APPL1: variants seen among roughly 807,000 people sequenced by gnomAD.
APPL1 encodes the protein DCC-interacting protein 13-alpha.
APPL1 carries 42 observed loss-of-function variants against 106.8 expected under a neutral mutation model. That is an observed-to-expected ratio of 0.39 (90% confidence interval 0.31 to 0.51). The LOEUF (loss-of-function observed/expected upper bound fraction) is 0.51, where lower values mean the gene tolerates loss of function less well. APPL1 is among the 20% of genes least tolerant of loss of function. The probability of loss-of-function intolerance (pLI) is 0.75; values close to 1 mark genes in which losing one functional copy is unlikely to be tolerated. For synonymous variants in APPL1, 263 were observed against 281.8 expected, an observed-to-expected ratio of 0.93 and a Z score of 0.67; for missense variants, 769 against 858.2, an observed-to-expected ratio of 0.90 and a Z score of 1.30.
intron 1 of APPL1, among the ~76,000 whole-genome samples, chr3:57,229,762 G>C (rs1393227056): frequency 7.1e-6 from 1 of 140,204 alleles, no homozygotes; most frequent in Non-Finnish European, 1.5e-5. Flanking sequence ...TGCCCAGGCT[G>C]GAGTGCAATG....
At chr3:57,231,109 G>A (rs1258883668) in intron 1 of APPL1, among the ~76,000 whole-genome samples, 14 of 151,876 alleles carry the variant, frequency 9.2e-5, no homozygotes, top group African/African-American at 3.1e-4. Context: ...GGAGGACGAG[G>A]CAGGTGAATC....
intron 15 of APPL1, among the ~76,000 whole-genome samples, chr3:57,258,529 G>A (rs917216414): frequency 1.3e-5 from 2 of 152,194 alleles, no homozygotes; most frequent in African/African-American, 4.8e-5. Flanking sequence ...GCACACTAAG[G>A]AGGAAGGTAG....
rs1049481055 is a variant in APPL1 at position 57,245,848 on chromosome 3, A to G, written c.475-228A>G. Among the ~76,000 whole-genome samples, 5 of 152,240 alleles carry G rather than the reference A, an allele frequency of 3.3e-5. 1 individual carries two copies. The highest frequency in any genetic ancestry group is 2.9e-5 in the Non-Finnish European group (2 of 68,006). ...GCATGAGCCACCACGCCTGGGCTCAATGTGCATTTTGTAAATTATGTGGTT... is the reference window on the plus strand; with the variant it reads ...GCATGAGCCACCACGCCTGGGCTCAGTGTGCATTTTGTAAATTATGTGGTT... On this transcript the variant is annotated intron_variant, in intron 7 of 21. Transcript: ENST00000288266.
At chr3:57,267,906 A>G in intron 20 of APPL1, 114 bp downstream of exon 20, 1 of 1,016,956 alleles carries the variant, frequency 9.8e-7, no homozygotes, top group African/African-American at 1.6e-5. Context: ...AACCTGGCCA[A>G]CATGGTGAAA....
chr3:57,254,631 A>G (rs1386300618), intron 13 of APPL1, among the ~76,000 whole-genome samples: 2 of 151,966 alleles, frequency 1.3e-5, no homozygotes, highest in Non-Finnish European at 2.9e-5. Context: ...GTAATTAAAG[A>G]TTCTTTTTTT....
intron 1 of APPL1, among the ~76,000 whole-genome samples, chr3:57,232,187 T>C (rs2060690207): frequency 6.6e-6 from 1 of 152,248 alleles, no homozygotes; most frequent in Non-Finnish European, 1.5e-5. Flanking sequence ...TATGTAGATA[T>C]GTATCTTAGT....
rs2060948299 is a variant in APPL1, at chr3:57,272,389, C to T, written c.*2702C>T. 1.3e-5 allele frequency: 2 copies of T among 152,126 alleles called. No homozygotes were observed. Among genetic ancestry groups the T allele is most frequent in the Admixed American group, 1.3e-4 (2 of 15,280 alleles). The allele number at this position is 152,126 out of a possible 1,614,324, so 9.4% of individuals were successfully genotyped here. ...ATTTCAAAAGAATCCTCAGGCTCTA[C>T]AATCTAGGGGTGGTAAATGTGTTTC... is the stretch of plus-strand genomic sequence containing the variant. On this transcript the variant is annotated 3_prime_UTR_variant, in exon 22 of 22. Coordinates refer to ENST00000288266, the MANE Select transcript of APPL1 (RefSeq NM_012096.3).
At chr3:57,255,157 A>G (rs930660872) in intron 13 of APPL1, among the ~76,000 whole-genome samples, 6 of 152,194 alleles carry the variant, frequency 3.9e-5, no homozygotes, top group African/African-American at 1.4e-4. Context: ...GGTACAGAGA[A>G]TTCTGGAAGG....
intron 14 of APPL1, 60 bp downstream of exon 14, chr3:57,257,111 C>T: frequency 6.3e-7 from 1 of 1,578,706 alleles, no homozygotes; most frequent in Non-Finnish European, 8.7e-7. Context: ...TATCTGTGAT[C>T]TGGGATTATG....
Position 57,227,915 on chromosome 3 carries a change from A to T in APPL1, c.32A>T (p.Glu11Val). MPGIDKLPIEETLEDSPQTRS... is the reference protein window; with the variant it reads MPGIDKLPIEVTLEDSPQTRS... ...GGGATCGACAAGCTGCCCATCGAGGAGACGCTGGAGGACAGCCCGCAGGTG... is the reference window on the plus strand; with the variant it reads ...GGGATCGACAAGCTGCCCATCGAGGTGACGCTGGAGGACAGCCCGCAGGTG... Residue 11 changes from glutamate (E) to valine (V), a missense_variant, in exon 1 of 22, where the codon GAG becomes GTG. By Grantham distance (121) the Glu-to-Val change is moderately radical. Coordinates refer to ENST00000288266, the MANE Select transcript of APPL1 (RefSeq NM_012096.3). The T allele has an allele frequency of 6.8e-7, 1 of 1,469,028 alleles. No homozygotes were observed. Among genetic ancestry groups the T allele is most frequent in the Non-Finnish European group, 9.0e-7 (1 of 1,106,942 alleles). 91.0% of individuals were successfully genotyped at this position (1,469,028 alleles called of 1,614,324 possible). A position where few individuals can be genotyped will look rare whatever the true frequency, so the allele number is the denominator to read the frequency against.
rs17791685 is a variant in APPL1 at position 57,272,583 on chromosome 3, C to A, written c.*2896C>A. Reference sequence around the variant, plus strand: ...AAGAGCTAGTATGTTGTAAAACCTGCCACCTGAATAAAATGAAAAAAAAAG... The same window carrying A: ...AAGAGCTAGTATGTTGTAAAACCTGACACCTGAATAAAATGAAAAAAAAAG... On this transcript the variant is annotated 3_prime_UTR_variant, in exon 22 of 22. Coordinates refer to ENST00000288266, the MANE Select transcript of APPL1 (RefSeq NM_012096.3). 27,752 of 151,862 alleles carry A rather than the reference C, an allele frequency of 0.18. 2,840 individuals carry two copies. The highest frequency in any genetic ancestry group is 0.25 in the African/African-American group (10,286 of 41,322). The allele number at this position is 151,862 out of a possible 1,614,324, so 9.4% of individuals were successfully genotyped here.
intron 19 of APPL1, among the ~76,000 whole-genome samples, chr3:57,264,961 AT>A (rs1449963725): frequency 1.3e-4 from 19 of 151,948 alleles, no homozygotes; most frequent in Non-Finnish European, 2.6e-4. Context: ...ACATTTTCAG[AT>A]TGTTTTTTCT....
chr3:57,262,360 G>GTTTTTT (rs570404539), intron 19 of APPL1, among the ~76,000 whole-genome samples: 1 of 32,892 alleles, frequency 3.0e-5, no homozygotes, highest in African/African-American at 1.2e-4. Flanking sequence ...TTCTTCTAGT[G>GTTTTTT]TTTTTTTTTT....
chr3:57,264,973 A>G lies in APPL1; in HGVS notation c.1843-2769A>G, dbSNP rs1202793231. On this transcript the variant is annotated intron_variant, in intron 19 of 21. Transcript: ENST00000288266. ...TATACATTTTCAGATTGTTTTTTCT[A>G]TTTCTGTGAAGAATGCCATTGGTTT... is the stretch of plus-strand genomic sequence containing the variant. 2.0e-5 allele frequency among the ~76,000 whole-genome samples: 3 copies of G among 151,860 alleles called. No individual in the cohort carries two copies. In the South Asian group the frequency reaches 6.2e-4, roughly 32 times the overall value.
At chr3:57,233,067 T>G (rs2060696378) in intron 1 of APPL1, among the ~76,000 whole-genome samples, 1 of 152,048 alleles carries the variant, frequency 6.6e-6, no homozygotes, top group African/African-American at 2.4e-5. Context: ...CTCTGTGAAG[T>G]TTTAGAAATA....
chr3:57,259,605 C>G (rs1425105085), intron 16 of APPL1, among the ~76,000 whole-genome samples: 2 of 151,960 alleles, frequency 1.3e-5, no homozygotes, highest in African/African-American at 4.8e-5. Context: ...CTCAGAACTG[C>G]CAGTTGTTGA....
At chr3:57,239,461 T>G (rs2060734173) in intron 4 of APPL1, among the ~76,000 whole-genome samples, 1 of 152,248 alleles carries the variant, frequency 6.6e-6, no homozygotes, top group Non-Finnish European at 1.5e-5. Flanking sequence ...GCCTCAGTAC[T>G]TCATTCCTTT....
At position 57,247,496 on chromosome 3, in the gene APPL1, A is replaced by G; in HGVS notation, c.704+19A>G. ...TTCAGAAGTAAGTATTTTTTTCCTT[A>G]AAATTGAAAATGAAATGATGTGAAT... On this transcript the variant is annotated intron_variant, in intron 9 of 21. Transcript: ENST00000288266. 1 of 1,452,600 alleles carries G rather than the reference A, an allele frequency of 6.9e-7. No individual in the cohort carries two copies. Among genetic ancestry groups the G allele is most frequent in the Non-Finnish European group, 9.6e-7 (1 of 1,039,062 alleles). 90.0% of individuals were successfully genotyped at this position (1,452,600 alleles called of 1,614,324 possible).
chr3:57,245,969 C>G, intron 7 of APPL1, 107 bp from the exon 8 acceptor site: 1 of 719,062 alleles, frequency 1.4e-6, no homozygotes, highest in East Asian at 3.2e-5. Context: ...TTGTGATACT[C>G]AATTCCTTGG....
Sources: allele counts gnomAD v4.1 joint callset (sites outside exome capture counted in the v4.1 genomes callset), GRCh38; gene constraint gnomAD v4.1.1; transcripts MANE v1.5; gene names NCBI Gene and HGNC (gene_info 2026-07-23, HGNC 2026-07-21).